Variants in DNHD1 observed in about 807,000 individuals in gnomAD.
The protein encoded by DNHD1 is dynein heavy chain domain-containing protein 1.
In DNHD1, 383 loss-of-function variants were observed where a neutral mutation model predicts 458.1. The ratio of observed to expected loss-of-function variants is 0.84; its 90% CI spans 0.77 to 0.91. The LOEUF is 0.91. DNHD1 is among the 40% of genes least tolerant of loss of function. The probability of loss-of-function intolerance (pLI) is 0.00; values close to 1 mark genes in which losing one functional copy is unlikely to be tolerated. For synonymous variants in DNHD1, 2,203 were observed against 2,376.9 expected (o/e 0.93, Z 2.13); for missense variants, 5,336 against 5,866.1 (o/e 0.91, Z 2.95).
chr11:6,512,832 G>A (rs1180456492), intron 7 of DNHD1, among the ~76,000 whole-genome samples: 1 of 152,098 alleles, frequency 6.6e-6, no homozygotes, highest in Non-Finnish European at 1.5e-5. Context: ...GGAACCTAGG[G>A]ATATTATTGA....
rs369064736 is a variant in DNHD1, at chr11:6,563,776, C to T, written c.9936C>T (p.Asp3312=). The change falls in exon 31 of 43, where the codon GAC becomes GAT. Residue 3312 remains aspartate (D), a synonymous_variant. Transcript: ENST00000254579. ...TAATTCTGAAGGCTCCAGGTATGGA[C>T]GATGCAGCCCTGCGGGCAGTGAGCC... ...LHLILKAPGM[D]DAALRAVSRP... is the part of the protein sequence containing the mutation. 9.6e-5 allele frequency: 149 copies of T among 1,551,652 alleles called. No homozygotes were observed. In the East Asian group the frequency reaches 1.1e-3, roughly 12 times the overall value.
At position 6,556,890 on chromosome 11, in the gene DNHD1, A is replaced by G; in HGVS notation, c.7595A>G (p.Gln2532Arg). Residue 2532 changes from glutamine (Q) to arginine (R), a missense_variant, in exon 25 of 43, where the codon CAG becomes CGG. By Grantham distance (43) the Gln-to-Arg change is conservative (BLOSUM62 1). Coordinates refer to ENST00000254579, the MANE Select transcript of DNHD1 (RefSeq NM_144666.3). ...FTVLALESMT[Q>R]ATLLERHVPI... ...GTCCTGGCCCTGGAAAGCATGACCC[A>G]GGCCACCCTGCTGGAAAGACATGTG... 6.4e-6 allele frequency: 10 copies of G among 1,551,708 alleles called. No homozygotes were observed. The highest frequency in any genetic ancestry group is 8.7e-6 in the Non-Finnish European group (10 of 1,146,992).
In DNHD1 at chr11:6,557,432, G is replaced by A; in HGVS notation, c.8137G>A (p.Glu2713Lys). The change falls in exon 25 of 43, where the codon GAG becomes AAG. Residue 2713 changes from glutamate to lysine, a missense_variant. Physicochemically the swap from Glu to Lys is moderately conservative, Grantham distance 56 (BLOSUM62 1). Transcript: ENST00000254579. The part of the protein sequence containing the change: ...ERVPEVESEG[E>K]LAQWEDFSNS... ...GGTGCCCGAAGTAGAATCTGAAGGG[G>A]AGTTGGCCCAGTGGGAGGACTTCAG... The A allele has an allele frequency of 6.4e-7, 1 of 1,551,452 alleles. No homozygotes were observed.
At chr11:6,553,685 T>C (rs1230308608) in intron 24 of DNHD1, among the ~76,000 whole-genome samples, 1 of 152,192 alleles carries the variant, frequency 6.6e-6, no homozygotes, top group African/African-American at 2.4e-5. Flanking sequence ...TGAAATCATT[T>C]GTACTTCTAT....
Position 6,528,896 on chromosome 11 carries a change from C to T in DNHD1, c.2122C>T (p.Gln708Ter). The change falls in exon 12 of 43, where the codon CAG becomes TAG. Residue 708 changes from glutamine (Q) to a stop codon, truncating the protein, a stop_gained. Coordinates refer to ENST00000254579, the MANE Select transcript of DNHD1 (RefSeq NM_144666.3). LOFTEE classifies it high-confidence loss of function. ...CCCTTAGGGCGTGCTGTGCAAGGTG[C>T]AGGAATTCTGCAGGGAACATCATTG... ...VLLEGVLCKVQEFCREHHWIT... is the reference protein window; with the variant it reads ...VLLEGVLCKV 1 of 1,551,690 alleles carries T rather than the reference C, an allele frequency of 6.4e-7. No homozygotes were observed. The highest frequency in any genetic ancestry group is 8.7e-7 in the Non-Finnish European group (1 of 1,146,974).
At chr11:6,517,296 T>C (rs557392924) in intron 7 of DNHD1, among the ~76,000 whole-genome samples, 1 of 152,350 alleles carries the variant, frequency 6.6e-6, no homozygotes, top group African/African-American at 2.4e-5. Flanking sequence ...CCAGAACTTG[T>C]TCATCTTATA....
At chr11:6,554,687 A>G (rs781602724) in intron 24 of DNHD1, among the ~76,000 whole-genome samples, 6 of 151,678 alleles carry the variant, frequency 4.0e-5, no homozygotes, top group Non-Finnish European at 5.9e-5. Flanking sequence ...GATGCTTGAT[A>G]TTATCAGGCA....
chr11:6,499,022 G>A, intron 3 of DNHD1, 61 bp downstream of exon 3: 1 of 1,505,278 alleles, frequency 6.6e-7, no homozygotes, highest in Non-Finnish European at 8.9e-7. Context: ...TTTTATGGGT[G>A]CCTCTGGGGT....
chr11:6,554,464 T>C (rs1853420471), intron 24 of DNHD1, among the ~76,000 whole-genome samples: 1 of 152,116 alleles, frequency 6.6e-6, no homozygotes, highest in Admixed American at 6.5e-5. Context: ...TGAAAACCTA[T>C]GCCCTTCAAA....
Position 6,506,007 on chromosome 11 carries a change from CAGTT to C in DNHD1, c.921-2870_921-2867del, listed in dbSNP as rs1402304023. On this transcript the variant is annotated intron_variant, in intron 4 of 42. Transcript: ENST00000254579. The stretch of plus-strand genomic sequence containing the variant: ...ATTAGAGAAGCATCTCGATCAAAGA[CAGTT>C]AGGCACATAAAGAGATAAGAAACTA... 5.9e-5 allele frequency among the ~76,000 whole-genome samples: 9 copies of C among 152,290 alleles called. No individual in the cohort carries two copies. The South Asian group carries it at 6.2e-4, about 11-fold the overall frequency.
At chr11:6,513,234 A>G (rs1388542258) in intron 7 of DNHD1, among the ~76,000 whole-genome samples, 1 of 152,230 alleles carries the variant, frequency 6.6e-6, no homozygotes, top group East Asian at 1.9e-4. Context: ...GGTATAATTC[A>G]TATACAGTAG....
At chr11:6,564,280 C>A in intron 31 of DNHD1, 53 bp from the exon 32 acceptor site, 7 of 1,484,122 alleles carry the variant, frequency 4.7e-6, no homozygotes, top group Non-Finnish European at 5.4e-6. Flanking sequence ...CATATCTCTG[C>A]CTGCACCCTC....
In DNHD1 at chr11:6,563,808, C is replaced by T. The variant is rs1206545269; in HGVS notation, c.9968C>T (p.Ala3323Val). 2 of 1,551,564 alleles carry T rather than the reference C, an allele frequency of 1.3e-6. No individual in the cohort carries two copies. Among genetic ancestry groups the T allele is most frequent in the Non-Finnish European group, 1.7e-6 (2 of 1,147,004 alleles). ...DAALRAVSRP[A>V]ASLAAWLWAV... Reference sequence around the variant, plus strand: ...GCCCTGCGGGCAGTGAGCCGACCTGCAGCCAGCCTGGCAGCCTGGCTCTGG... The same window carrying T: ...GCCCTGCGGGCAGTGAGCCGACCTGTAGCCAGCCTGGCAGCCTGGCTCTGG... Residue 3323 changes from alanine to valine, a missense_variant, in exon 31 of 43, where the codon GCA (alanine) becomes GTA (valine). Ala to Val is a moderately conservative substitution (Grantham distance 64). This residue lies in a region of DNHD1 where 3,932 missense variants were observed against 4,365.6 expected (regional missense o/e 0.90). Coordinates refer to ENST00000254579, the MANE Select transcript of DNHD1 (RefSeq NM_144666.3).
In DNHD1 at chr11:6,533,978, C is replaced by A; in HGVS notation, c.2803C>A (p.Pro935Thr). The change falls in exon 14 of 43, where the codon CCC (proline) becomes ACC (threonine). Residue 935 changes from proline to threonine, a missense_variant. Transcript: ENST00000254579. ...GCTCAGCAAGCGACATGCCATTATG[C>A]CCAAGCTGCAGCAGCTGATGGCAGC... ...FLLSKRHAIMPKLQQLMAAAL... is the reference protein window; with the variant it reads ...FLLSKRHAIMTKLQQLMAAAL... 1.3e-6 allele frequency: 2 copies of A among 1,551,478 alleles called. No homozygotes were observed. Among genetic ancestry groups the A allele is most frequent in the South Asian group, 1.2e-5 (1 of 84,032 alleles).
At position 6,568,653 on chromosome 11, in the gene DNHD1, C is replaced by T; in HGVS notation, c.12662-12C>T. On this transcript the variant is annotated splice_polypyrimidine_tract_variant and intron_variant, in intron 38 of 42. Transcript: ENST00000254579. Reference sequence around the variant, plus strand: ...TGTGCTGTGCTGACTCAGCACTCTCCTTCCTCCCCAGCTGTGCTGACTCAG... The same window carrying T: ...TGTGCTGTGCTGACTCAGCACTCTCTTTCCTCCCCAGCTGTGCTGACTCAG... 6.2e-7 allele frequency: 1 copy of T among 1,613,860 alleles called. No homozygotes were observed. Among genetic ancestry groups the T allele is most frequent in the Non-Finnish European group, 8.5e-7 (1 of 1,179,850 alleles).
In DNHD1 at chr11:6,497,340, T is replaced by C. The variant is rs2134356873; in HGVS notation, c.-529+9T>C. On this transcript the variant is annotated intron_variant, in intron 1 of 42. Coordinates refer to ENST00000254579, the MANE Select transcript of DNHD1 (RefSeq NM_144666.3). ...TGCGGGTGGAGCTGCGGGTGAGTCCTCGGCTCCGGATCCATTTCTCTTTGT... is the reference window on the plus strand; with the variant it reads ...TGCGGGTGGAGCTGCGGGTGAGTCCCCGGCTCCGGATCCATTTCTCTTTGT... The C allele has an allele frequency of 6.5e-6, 1 of 152,672 alleles. No homozygotes were observed. The highest frequency in any genetic ancestry group is 1.9e-4 in the East Asian group (1 of 5,168). 9.5% of individuals were successfully genotyped at this position (152,672 alleles called of 1,614,324 possible). A position where few individuals can be genotyped will look rare whatever the true frequency, so the allele number is the denominator to read the frequency against.
intron 12 of DNHD1, among the ~76,000 whole-genome samples, chr11:6,529,533 A>G (rs1408479544): frequency 6.6e-6 from 1 of 152,266 alleles, no homozygotes; most frequent in African/African-American, 2.4e-5. Flanking sequence ...TGGTAGTGAA[A>G]GAATGTAACC....
chr11:6,551,300 CAT>C (rs1001408773), intron 24 of DNHD1, among the ~76,000 whole-genome samples: 28 of 152,066 alleles, frequency 1.8e-4, no homozygotes, highest in African/African-American at 6.7e-4. Flanking sequence ...GAAAACAAAA[CAT>C]ATCAAAATTT....
At position 6,534,174 on chromosome 11, in the gene DNHD1, G is replaced by A. The variant is rs1393174011; in HGVS notation, c.2998+1G>A. 1 of 1,550,474 alleles carries A rather than the reference G, an allele frequency of 6.4e-7. No individual in the cohort carries two copies. The highest frequency in any genetic ancestry group is 8.7e-7 in the Non-Finnish European group (1 of 1,146,810). On this transcript the variant is annotated splice_donor_variant, in intron 14 of 42. Coordinates refer to ENST00000254579, the MANE Select transcript of DNHD1 (RefSeq NM_144666.3). LOFTEE classifies it high-confidence loss of function. ...CACCACGCCTATGCCATCTTCACTG[G>A]TACTGAGGATCCCTGCACCCTCCAT... is the stretch of plus-strand genomic sequence containing the variant.
Sources: gnomAD v4.1 joint callset for allele counts (sites outside exome capture counted in the v4.1 genomes callset) on GRCh38, gnomAD v4.1.1 for gene constraint, gnomAD v4.1.1 regional missense constraint, MANE v1.5 for transcripts, NCBI Gene and HGNC (gene_info 2026-07-23, HGNC 2026-07-21) for gene names.